Variants in GRK2 observed in about 807,000 individuals in gnomAD.
The protein encoded by GRK2 is adrenergic beta receptor kinase 1.
A neutral mutation model predicts 97.8 loss-of-function variants in GRK2; 23 were observed. That is an observed-to-expected ratio of 0.24 (90% CI 0.17 to 0.33). GRK2 has a LOEUF of 0.33. Ranked by LOEUF, GRK2 falls within the 10% of genes least tolerant of loss-of-function variation. The probability of loss-of-function intolerance (pLI) is 1.00; values close to 1 mark genes in which losing one functional copy is unlikely to be tolerated. For synonymous variants in GRK2, 425 were observed against 381.7 expected (o/e 1.11, Z -1.32); for missense variants, 633 against 956.9 (o/e 0.66, Z 4.47).
At chr11:67,284,163 C>T (rs777872748) in intron 17 of GRK2, 48 bp from the exon 18 acceptor site, 22 of 1,607,066 alleles carry the variant, frequency 1.4e-5, no homozygotes, top group East Asian at 4.5e-5. Context: ...GATGGTATTC[C>T]GGCATCTCTG....
chr11:67,280,025 C>A, intron 6 of GRK2, 125 bp downstream of exon 6: 2 of 943,582 alleles, frequency 2.1e-6, no homozygotes, highest in Non-Finnish European at 1.7e-6. Flanking sequence ...GCTGGCCCGT[C>A]AGCGGCCCCC....
rs763536673 is a variant in GRK2 at position 67,285,059 on chromosome 11, AT to A, written c.1792-15del. On this transcript the variant is annotated splice_polypyrimidine_tract_variant and intron_variant, in intron 19 of 20. Transcript: ENST00000308595. ...GGCCCGGCTCTTACCTGCACCACCCATCCCTGGCCCTGCAGCAGAGCCTGCT... is the reference window on the plus strand; with the variant it reads ...GGCCCGGCTCTTACCTGCACCACCCACCCTGGCCCTGCAGCAGAGCCTGCT... 63 of 1,612,770 alleles carry A rather than the reference AT, an allele frequency of 3.9e-5. No individual in the cohort carries two copies. The highest frequency in any genetic ancestry group is 5.3e-5 in the Non-Finnish European group (63 of 1,179,840).
chr11:67,272,277 A>G lies in GRK2; in HGVS notation c.114-4995A>G, dbSNP rs77216138. 2.7e-3 allele frequency among the ~76,000 whole-genome samples: 414 copies of G among 152,048 alleles called. 1 individual carries two copies. Among genetic ancestry groups the G allele is most frequent in the African/African-American group, 9.4e-3 (389 of 41,476 alleles). ...CTCTTCCACAGAGGTCAAGGGGGGG[A>G]TGGAGGGTGCTCTAGTGGAGGCCGT... On this transcript the variant is annotated intron_variant, in intron 1 of 20. Transcript: ENST00000308595.
rs773865922 is a variant in GRK2, at chr11:67,286,385, C to T, written c.*935C>T. 2.6e-5 allele frequency: 18 copies of T among 700,122 alleles called. No homozygotes were observed. Among genetic ancestry groups the T allele is most frequent in the Admixed American group, 1.8e-4 (9 of 49,502 alleles). 43.4% of individuals were successfully genotyped at this position (700,122 alleles called of 1,614,324 possible). On this transcript the variant is annotated 3_prime_UTR_variant, in exon 21 of 21. Coordinates refer to ENST00000308595, the MANE Select transcript of GRK2 (RefSeq NM_001619.5). ...CCGCCTCGCCCACCGCATGCCCCCT[C>T]GTGCCAGTCGCGCTGCCTGTGTGGT...
Position 67,285,588 on chromosome 11 carries a change from A to C in GRK2, c.*138A>C. 8.5e-7 allele frequency: 1 copy of C among 1,177,990 alleles called. No individual in the cohort carries two copies. The highest frequency in any genetic ancestry group is 1.1e-6 in the Non-Finnish European group (1 of 876,114). The allele number at this position is 1,177,990 out of a possible 1,614,324, so 73.0% of individuals were successfully genotyped here. A position where few individuals can be genotyped will look rare whatever the true frequency, so the allele number is the denominator to read the frequency against. On this transcript the variant is annotated 3_prime_UTR_variant, in exon 21 of 21. Transcript: ENST00000308595. ...CCCAGCCTGGCCCAGCTCCCCCGGGAGGGGCCCGCTTGCCTCGGCTCCTGC... is the reference window on the plus strand; with the variant it reads ...CCCAGCCTGGCCCAGCTCCCCCGGGCGGGGCCCGCTTGCCTCGGCTCCTGC...
Position 67,281,540 on chromosome 11 carries a change from C to A in GRK2, c.729C>A (p.Leu243=). Residue 243 remains leucine (L), a synonymous_variant, in exon 9 of 21, where the codon CTC becomes CTA. Coordinates refer to ENST00000308595, the MANE Select transcript of GRK2 (RefSeq NM_001619.5). This position sits in a 1 kb window ranked among gnomAD's most constrained non-coding sequence, Gnocchi z 5.7. The part of the protein sequence containing the change: ...ETLALNERIM[L]SLVSTGDCPF... ...TGGCCCTGAACGAGCGCATCATGCT[C>A]TCGCTCGTCAGCACTGGGGTGAGCT... 6.2e-7 allele frequency: 1 copy of A among 1,613,526 alleles called. No individual in the cohort carries two copies. Among genetic ancestry groups the A allele is most frequent in the Middle Eastern group, 1.6e-4 (1 of 6,062 alleles).
rs1278581811 is a variant in GRK2 at position 67,279,453 on chromosome 11, G to A, written c.300G>A (p.Glu100=). 4 of 1,613,340 alleles carry A rather than the reference G, an allele frequency of 2.5e-6. 1 individual carries two copies. In the South Asian group the frequency reaches 4.4e-5, roughly 18 times the overall value. The change falls in exon 4 of 21, where the codon GAG becomes GAA. Residue 100 remains glutamate (E), a synonymous_variant. Coordinates refer to ENST00000308595, the MANE Select transcript of GRK2 (RefSeq NM_001619.5). ...KKYEKLETEE[E]RVARSREIFD... is the part of the protein sequence containing the mutation. ...ACGAGAAGCTGGAGACGGAGGAGGAGCGTGTGGCCCGCAGCCGGGAGATCT... is the reference window on the plus strand; with the variant it reads ...ACGAGAAGCTGGAGACGGAGGAGGAACGTGTGGCCCGCAGCCGGGAGATCT...
At chr11:67,274,779 C>G (rs568192860) in intron 1 of GRK2, among the ~76,000 whole-genome samples, 1 of 152,196 alleles carries the variant, frequency 6.6e-6, no homozygotes, top group East Asian at 1.9e-4. Flanking sequence ...TTCCTGTGTC[C>G]CTGGGAGTCC....
At position 67,285,636 on chromosome 11, in the gene GRK2, G is replaced by A. The variant is rs1313214369; in HGVS notation, c.*186G>A. 1.5e-5 allele frequency: 11 copies of A among 711,792 alleles called. No individual in the cohort carries two copies. Among genetic ancestry groups the A allele is most frequent in the African/African-American group, 9.1e-5 (5 of 55,032 alleles). The allele number at this position is 711,792 out of a possible 1,614,324, so 44.1% of individuals were successfully genotyped here. A position where few individuals can be genotyped will look rare whatever the true frequency, so the allele number is the denominator to read the frequency against. On this transcript the variant is annotated 3_prime_UTR_variant, in exon 21 of 21. Transcript: ENST00000308595. ...TGCTGCACCAACCCAGCCGCTGCCC[G>A]GCGCCCTCTGTCCTGACTTCAGGGG...
At position 67,281,282 on chromosome 11, in the gene GRK2, T is replaced by C; in HGVS notation, c.647+98T>C. ...CCACACAGGGCCACCTGCTGCTCCA[T>C]GCACTCCTGTCTTGCCGTGCTGTTA... On this transcript the variant is annotated intron_variant, in intron 8 of 20. Transcript: ENST00000308595. This position sits in a 1 kb window ranked among gnomAD's most constrained non-coding sequence, Gnocchi z 5.7. The C allele has an allele frequency of 1.7e-6, 2 of 1,173,490 alleles. No individual in the cohort carries two copies. Among genetic ancestry groups the C allele is most frequent in the Non-Finnish European group, 2.5e-6 (2 of 808,016 alleles). 72.7% of individuals were successfully genotyped at this position (1,173,490 alleles called of 1,614,324 possible).
chr11:67,281,854 G>C lies in GRK2; in HGVS notation c.859G>C (p.Gly287Arg). 1 of 1,613,720 alleles carries C rather than the reference G, an allele frequency of 6.2e-7. No homozygotes were observed. Among genetic ancestry groups the C allele is most frequent in the Non-Finnish European group, 8.5e-7 (1 of 1,180,006 alleles). Residue 287 changes from glycine to arginine, a missense_variant, in exon 11 of 21, where the codon GGG (glycine) becomes CGG (arginine). Gly to Arg is a moderately radical substitution (Grantham distance 125). Transcript: ENST00000308595. This position sits in a 1 kb window ranked among gnomAD's most constrained non-coding sequence, Gnocchi z 5.7. ...CCTGCACTACCACCTCTCCCAGCACGGGGTCTTCTCAGAGGCTGACATGCG... is the reference window on the plus strand; with the variant it reads ...CCTGCACTACCACCTCTCCCAGCACCGGGTCTTCTCAGAGGCTGACATGCG... Reference protein sequence around the residue: ...GDLHYHLSQHGVFSEADMRFY... With the variant: ...GDLHYHLSQHRVFSEADMRFY...
chr11:67,272,575 C>T (rs1859933209), intron 1 of GRK2, among the ~76,000 whole-genome samples: 1 of 152,238 alleles, frequency 6.6e-6, no homozygotes, highest in Admixed American at 6.5e-5. Flanking sequence ...CCTTCCCTGT[C>T]ACCCAGTGCT....
rs1425138914 is a variant in GRK2 at position 67,284,268 on chromosome 11, T to G, written c.1549T>G (p.Trp517Gly). 1 of 1,613,420 alleles carries G rather than the reference T, an allele frequency of 6.2e-7. No individual in the cohort carries two copies. Among genetic ancestry groups the G allele is most frequent in the South Asian group, 1.1e-5 (1 of 91,080 alleles). ...CTTCCCCCTCACCATCTCGGAGCGGTGGCAGCAGGAGGTGGCAGAGACTGT... is the reference window on the plus strand; with the variant it reads ...CTTCCCCCTCACCATCTCGGAGCGGGGGCAGCAGGAGGTGGCAGAGACTGT... ...RNFPLTISER[W>G]QQEVAETVFD... is the part of the protein sequence containing the mutation. Residue 517 changes from tryptophan (W) to glycine (G), a missense_variant, in exon 18 of 21, where the codon TGG (tryptophan) becomes GGG (glycine). Around this residue, in one of 4 missense-constraint regions of GRK2, gnomAD observed 180 missense variants for 311.3 expected, o/e 0.58. Transcript: ENST00000308595.
intron 6 of GRK2, 87 bp downstream of exon 6, chr11:67,279,987 C>T: frequency 7.4e-7 from 1 of 1,359,982 alleles, no homozygotes; most frequent in Middle Eastern, 2.0e-4. Flanking sequence ...CAGAAGCCAG[C>T]CTTCATTAGG....
chr11:67,274,759 C>A (rs72930753), intron 1 of GRK2, among the ~76,000 whole-genome samples: 1 of 152,160 alleles, frequency 6.6e-6, no homozygotes, highest in Non-Finnish European at 1.5e-5. Context: ...CCACAATCTC[C>A]GTCCACCGTT....
intron 15 of GRK2, 43 bp downstream of exon 15, chr11:67,283,271 C>A: frequency 6.5e-7 from 1 of 1,545,860 alleles, no homozygotes; most frequent in Non-Finnish European, 8.9e-7. Context: ...GCTGTGCCCC[C>A]ATGAGGACAA....
rs755384357 is a variant in GRK2 at position 67,281,888 on chromosome 11, C to T, written c.893C>T (p.Ala298Val). 3.7e-6 allele frequency: 6 copies of T among 1,613,528 alleles called. No individual in the cohort carries two copies. The highest frequency in any genetic ancestry group is 1.3e-5 in the African/African-American group (1 of 74,898). ...TCAGAGGCTGACATGCGCTTCTATG[C>T]GGCCGAGATCATCCTGGGCCTGGAG... is the stretch of plus-strand genomic sequence containing the variant. ...VFSEADMRFY[A>V]AEIILGLEHM... The change falls in exon 11 of 21, where the codon GCG (alanine) becomes GTG (valine). Residue 298 changes from alanine (A) to valine (V), a missense_variant. Physicochemically the swap from Ala to Val is moderately conservative, Grantham distance 64. Around this residue, in one of 4 missense-constraint regions of GRK2, gnomAD observed 192 missense variants for 362.3 expected, o/e 0.53. Coordinates refer to ENST00000308595, the MANE Select transcript of GRK2 (RefSeq NM_001619.5). This position sits in a 1 kb window ranked among gnomAD's most constrained non-coding sequence, Gnocchi z 5.7.
chr11:67,280,634 C>G (rs1199986708), intron 6 of GRK2, 98 bp from the exon 7 acceptor site: 1 of 1,390,154 alleles, frequency 7.2e-7, no homozygotes, highest in East Asian at 2.3e-5. Context: ...CCTACCCTCA[C>G]GGGACCCCAG....
At position 67,282,176 on chromosome 11, in the gene GRK2, C is replaced by T. The variant is rs1355201068; in HGVS notation, c.958-95C>T. 13 of 1,325,084 alleles carry T rather than the reference C, an allele frequency of 9.8e-6. No individual in the cohort carries two copies. Among genetic ancestry groups the T allele is most frequent in the South Asian group, 7.6e-5 (6 of 79,214 alleles). 82.1% of individuals were successfully genotyped at this position (1,325,084 alleles called of 1,614,324 possible). On this transcript the variant is annotated intron_variant, in intron 11 of 20. Coordinates refer to ENST00000308595, the MANE Select transcript of GRK2 (RefSeq NM_001619.5). This position sits in a 1 kb window ranked among gnomAD's most constrained non-coding sequence, Gnocchi z 6.9. The stretch of plus-strand genomic sequence containing the variant: ...CTTTGCCCTTTCTTTGGGTACCCAT[C>T]GTCCTCTCCAGTGAAGCAGTGACCC...
Sources: gnomAD v4.1 joint callset for allele counts (sites outside exome capture counted in the v4.1 genomes callset) on GRCh38, gnomAD v4.1.1 for gene constraint, gnomAD v4.1.1 regional missense constraint, Gnocchi (gnomAD v3.1) non-coding constraint, MANE v1.5 for transcripts, NCBI Gene and HGNC (gene_info 2026-07-23, HGNC 2026-07-21) for gene names.